ABL1: variants seen among roughly 807,000 people sequenced by gnomAD.
ABL1 encodes ABL proto-oncogene 1, non-receptor tyrosine kinase, also known as tyrosine-protein kinase ABL1.
Under a neutral mutation model 94.7 loss-of-function variants are expected in ABL1, and 11 were observed. The observed-to-expected ratio is 0.12, with a 90% CI of 0.07 to 0.19. The LOEUF (loss-of-function observed/expected upper bound fraction) is 0.19. Among genes scored for constraint, ABL1 ranks in the 10% least tolerant of loss-of-function variants. The probability of loss-of-function intolerance (pLI) is 1.00; values close to 1 mark genes in which losing one functional copy is unlikely to be tolerated. For synonymous variants in ABL1, 656 were observed against 622.4 expected, an observed-to-expected ratio of 1.05 and a Z score of -0.80; for missense variants, 1,082 against 1,489.4, an observed-to-expected ratio of 0.73 and a Z score of 4.50.
chr9:130,862,742 G>A lies in ABL1; in HGVS notation c.550-21G>A, dbSNP rs537025188. On this transcript the variant is annotated intron_variant, in intron 3 of 10. Transcript: ENST00000318560. The surrounding 1 kb of genome is among the most constrained non-coding windows in gnomAD (Gnocchi z 5.5). ...GCTTGCCTGTCTCTGTGGGCTGAAG[G>A]CTGTTCCCTGTTTCCTTCAGCTCTA... 6.2e-7 allele frequency: 1 copy of A among 1,609,158 alleles called. No homozygotes were observed. The highest frequency in any genetic ancestry group is 1.3e-5 in the African/African-American group (1 of 74,854).
At chr9:130,734,956 A>G (rs1374244527) in intron 1 of ABL1, among the ~76,000 whole-genome samples, 2 of 152,066 alleles carry the variant, frequency 1.3e-5, no homozygotes, top group Admixed American at 6.5e-5. Flanking sequence ...ATTATTTATA[A>G]TTTAAAAAAT....
rs1355668042 is a variant in ABL1, at chr9:130,884,184, G to A, written c.1894G>A (p.Gly632Arg). Residue 632 changes from glycine to arginine, a missense_variant, in exon 11 of 11, where the codon GGG becomes AGG. Around this residue, in one of 7 missense-constraint regions of ABL1, gnomAD observed 780 missense variants for 835.8 expected, o/e 0.93. Transcript: ENST00000318560. This position sits in a 1 kb window ranked among gnomAD's most constrained non-coding sequence, Gnocchi z 5.6. ...REMDGQPERR[G>R]AGEEEGRDIS... Reference sequence around the variant, plus strand: ...GATGGACGGCCAGCCGGAGCGCAGAGGGGCCGGCGAGGAAGAGGGCCGAGA... The same window carrying A: ...GATGGACGGCCAGCCGGAGCGCAGAAGGGCCGGCGAGGAAGAGGGCCGAGA... 2 of 1,612,506 alleles carry A rather than the reference G, an allele frequency of 1.2e-6. No individual in the cohort carries two copies. Among genetic ancestry groups the A allele is most frequent in the Non-Finnish European group, 1.7e-6 (2 of 1,179,776 alleles).
intron 1 of ABL1, among the ~76,000 whole-genome samples, chr9:130,853,001 G>A (rs1830899034): frequency 6.6e-6 from 1 of 152,026 alleles, no homozygotes; most frequent in African/African-American, 2.4e-5. Context: ...GGAAGAACAG[G>A]CAGTGAAGGT....
intron 1 of ABL1, among the ~76,000 whole-genome samples, chr9:130,716,853 C>T (rs1831448011): frequency 6.6e-6 from 1 of 151,730 alleles, no homozygotes; most frequent in South Asian, 2.1e-4. Context: ...CGGGTTCAAG[C>T]GATTCTCCTG....
intron 1 of ABL1, among the ~76,000 whole-genome samples, chr9:130,769,063 G>T (rs1832219856): frequency 6.6e-6 from 1 of 152,012 alleles, no homozygotes; most frequent in Non-Finnish European, 1.5e-5. Context: ...GACGTGAGGG[G>T]GAATTTTTCA....
intron 1 of ABL1, among the ~76,000 whole-genome samples, chr9:130,721,477 G>A (rs941212875): frequency 1.3e-5 from 2 of 152,184 alleles, no homozygotes; most frequent in Admixed American, 1.3e-4. Flanking sequence ...GGGAGGCCAA[G>A]GCAGATGGAT....
At chr9:130,750,192 CATATATAT>C (rs56263750) in intron 1 of ABL1, among the ~76,000 whole-genome samples, 3,320 of 106,290 alleles carry the variant, frequency 0.031, 82 homozygotes, top group African/African-American at 0.054. Flanking sequence ...AAAAAAAATA[CATATATAT>C]ATATATATAT....
chr9:130,786,437 A>T (rs192318877), intron 1 of ABL1, among the ~76,000 whole-genome samples: 154 of 152,334 alleles, frequency 1.0e-3, no homozygotes, highest in Admixed American at 3.7e-3. Context: ...TGAATACAGA[A>T]TCTCAGAAAA....
chr9:130,720,462 A>G (rs138510796), intron 1 of ABL1, among the ~76,000 whole-genome samples: 1 of 152,288 alleles, frequency 6.6e-6, no homozygotes, highest in African/African-American at 2.4e-5. Context: ...AGAGCTTGCT[A>G]GTTTCAAGGA....
chr9:130,763,323 G>GGT (rs1554761588), intron 1 of ABL1, among the ~76,000 whole-genome samples: 6 of 144,782 alleles, frequency 4.1e-5, no homozygotes, highest in African/African-American at 1.5e-4. Flanking sequence ...CATTTTTGTG[G>GGT]TTTTTTTTCA....
At chr9:130,804,967 A>T (rs535456549) in intron 1 of ABL1, among the ~76,000 whole-genome samples, 3 of 152,384 alleles carry the variant, frequency 2.0e-5, no homozygotes, top group East Asian at 3.9e-4. Flanking sequence ...GTCTTTAGAC[A>T]GGCAAGACAG....
rs752694546 is a variant in ABL1 at position 130,874,949 on chromosome 9, A to G, written c.1167A>G (p.Thr389=). ...VADFGLSRLM[T]GDTYTAHAGA... ...ATTTTGGCCTGAGCAGGTTGATGAC[A>G]GGGGACACCTACACAGCCCATGCTG... Residue 389 remains threonine, a synonymous_variant, in exon 7 of 11, where the codon ACA becomes ACG. Coordinates refer to ENST00000318560, the MANE Select transcript of ABL1 (RefSeq NM_005157.6). The G allele has an allele frequency of 6.2e-7, 1 of 1,614,190 alleles. No individual in the cohort carries two copies. Among genetic ancestry groups the G allele is most frequent in the Non-Finnish European group, 8.5e-7 (1 of 1,180,042 alleles).
exon 1 of ABL1, chr9:130,714,288 C>G (rs1410762115): frequency 2.6e-6 from 4 of 1,550,706 alleles, no homozygotes; most frequent in Admixed American, 2.0e-5. Flanking sequence ...ATCTTGAACC[C>G]TCTTCTGGAA....
intron 1 of ABL1, among the ~76,000 whole-genome samples, chr9:130,820,951 A>T (rs1830352431): frequency 6.6e-6 from 1 of 151,332 alleles, no homozygotes; most frequent in Non-Finnish European, 1.5e-5. Context: ...TTTTTTCGAG[A>T]CAGAGTCTCA....
At chr9:130,762,025 C>CCCAG (rs1355452160) in intron 1 of ABL1, among the ~76,000 whole-genome samples, 1 of 152,040 alleles carries the variant, frequency 6.6e-6, no homozygotes, top group Admixed American at 6.6e-5. Context: ...TGCCTGTAAT[C>CCCAG]CCAGCTACTT....
intron 1 of ABL1, among the ~76,000 whole-genome samples, chr9:130,822,659 A>C (rs1039642428): frequency 3.9e-5 from 6 of 151,928 alleles, no homozygotes; most frequent in African/African-American, 1.2e-4. Context: ...AATGATACTG[A>C]ACATCTTTTT....
intron 1 of ABL1, among the ~76,000 whole-genome samples, chr9:130,826,706 T>G (rs550072432): frequency 1.3e-5 from 2 of 152,212 alleles, no homozygotes; most frequent in African/African-American, 4.8e-5. Context: ...AGGGTTTAGA[T>G]TCTTCAAACC....
chr9:130,823,387 G>A (rs763953461), intron 1 of ABL1, among the ~76,000 whole-genome samples: 6 of 152,108 alleles, frequency 3.9e-5, no homozygotes, highest in Non-Finnish European at 7.3e-5. Flanking sequence ...AGGTTAATGC[G>A]AGTTAGAACT....
At chr9:130,859,671 TCTTTCC>T (rs1409641681) in intron 3 of ABL1, among the ~76,000 whole-genome samples, 1 of 142,346 alleles carries the variant, frequency 7.0e-6, no homozygotes, top group Non-Finnish European at 1.5e-5. Context: ...TTCTTTTCTT[TCTTTCC>T]TTTTTTTTTT....
Sources: allele counts gnomAD v4.1 joint callset (sites outside exome capture counted in the v4.1 genomes callset), GRCh38; gene constraint gnomAD v4.1.1; regional missense constraint gnomAD v4.1.1; non-coding constraint Gnocchi (gnomAD v3.1); transcripts MANE v1.5; gene names NCBI Gene and HGNC (gene_info 2026-07-23, HGNC 2026-07-21).